SH3RF1: variants seen among roughly 807,000 people sequenced by gnomAD.
The protein encoded by SH3RF1 is E3 ubiquitin-protein ligase SH3RF1.
Under a neutral mutation model 74.0 loss-of-function variants are expected in SH3RF1, and 32 were observed. That is an observed-to-expected ratio of 0.43 (90% confidence interval 0.33 to 0.58). The LOEUF (loss-of-function observed/expected upper bound fraction) is 0.58, where lower values mean the gene tolerates loss of function less well. Among genes scored for constraint, SH3RF1 ranks in the 20% least tolerant of loss-of-function variants. The pLI is 0.05. For missense variants in SH3RF1, 954 were observed against 1,130.9 expected, an observed-to-expected ratio of 0.84 and a Z score of 2.24; for synonymous variants, 396 against 439.6, an observed-to-expected ratio of 0.90 and a Z score of 1.24.
chr4:169,173,920 C>G (rs1257156587), intron 2 of SH3RF1, among the ~76,000 whole-genome samples: 1 of 151,998 alleles, frequency 6.6e-6, no homozygotes, highest in Non-Finnish European at 1.5e-5. Flanking sequence ...TAAGATCACC[C>G]TACCCACACA....
intron 4 of SH3RF1, among the ~76,000 whole-genome samples, chr4:169,146,227 A>G (rs1443218487): frequency 1.2e-4 from 17 of 137,926 alleles, no homozygotes; most frequent in Middle Eastern, 3.3e-3. Flanking sequence ...TGTTTTATAT[A>G]TATACTTTTT....
intron 2 of SH3RF1, among the ~76,000 whole-genome samples, chr4:169,262,673 AT>A (rs1731298318): frequency 6.6e-6 from 1 of 151,000 alleles, no homozygotes; most frequent in South Asian, 2.1e-4. Context: ...TCTCAAAAAA[AT>A]AAATAAATAA....
chr4:169,241,005 C>T (rs553490588), intron 2 of SH3RF1, among the ~76,000 whole-genome samples: 51 of 152,192 alleles, frequency 3.4e-4, no homozygotes, highest in African/African-American at 1.1e-3. Flanking sequence ...CTGAGGTGGG[C>T]GGATCACGAG....
In SH3RF1 at chr4:169,178,980, A is replaced by C. The variant is rs74552901; in HGVS notation, c.394-22301T>G. 3.7e-3 allele frequency among the ~76,000 whole-genome samples: 564 copies of C among 152,358 alleles called. 4 individuals are homozygous for C. The highest frequency in any genetic ancestry group is 0.013 in the African/African-American group (543 of 41,576). The stretch of plus-strand genomic sequence containing the variant: ...TCCAGGGAAAAATACATTGCATAGT[A>C]GACCCTACCCATGTGTGCTAGGCAT... On this transcript the variant is annotated intron_variant, in intron 2 of 11. Coordinates refer to ENST00000284637, the MANE Select transcript of SH3RF1 (RefSeq NM_020870.4).
intron 11 of SH3RF1, among the ~76,000 whole-genome samples, chr4:169,104,528 T>A (rs1412568837): frequency 6.6e-6 from 1 of 152,170 alleles, no homozygotes; most frequent in East Asian, 1.9e-4. Flanking sequence ...AACACTTTTT[T>A]AGGGTAATGG....
rs559904941 is a variant in SH3RF1 at position 169,235,427 on chromosome 4, T to A, written c.393+33393A>T. Among the ~76,000 whole-genome samples, 7 of 152,312 alleles carry A rather than the reference T, an allele frequency of 4.6e-5. No individual in the cohort carries two copies. The East Asian group carries it at 1.4e-3, about 29-fold the overall frequency. ...GCACACAATTTTTAAGTCCCTTCCA[T>A]GATATGATAACTCTGTAAGATAGGT... is the stretch of plus-strand genomic sequence containing the variant. On this transcript the variant is annotated intron_variant, in intron 2 of 11. Transcript: ENST00000284637.
chr4:169,135,656 T>C (rs1733687789), intron 5 of SH3RF1, among the ~76,000 whole-genome samples: 1 of 152,184 alleles, frequency 6.6e-6, no homozygotes. Flanking sequence ...AAGGGTCTAA[T>C]AGTAAAGTGC....
intron 2 of SH3RF1, among the ~76,000 whole-genome samples, chr4:169,222,005 C>G (rs1279554566): frequency 6.6e-6 from 1 of 152,190 alleles, no homozygotes; most frequent in Non-Finnish European, 1.5e-5. Context: ...AATAGTTTTT[C>G]CTTGAACATC....
intron 5 of SH3RF1, among the ~76,000 whole-genome samples, chr4:169,132,044 C>A (rs1257834465): frequency 6.6e-6 from 1 of 152,234 alleles, no homozygotes; most frequent in East Asian, 1.9e-4. Context: ...TGCTCCCACA[C>A]TGGCGTGTAC....
chr4:169,256,235 G>A lies in SH3RF1; in HGVS notation c.393+12585C>T, dbSNP rs951251692. Among the ~76,000 whole-genome samples, 4 of 151,810 alleles carry A rather than the reference G, an allele frequency of 2.6e-5. No homozygotes were observed. In the East Asian group the frequency reaches 7.7e-4, roughly 29 times the overall value. On this transcript the variant is annotated intron_variant, in intron 2 of 11. Transcript: ENST00000284637. ...CCCCAATCACAGGGAAGGAGGCAGA[G>A]AAGGAAGAAAGGGAGGGAGGCAGGG...
intron 2 of SH3RF1, among the ~76,000 whole-genome samples, chr4:169,176,071 G>A (rs888666190): frequency 2.0e-5 from 3 of 152,176 alleles, no homozygotes; most frequent in African/African-American, 4.8e-5. Context: ...GTAAGAAGGT[G>A]GCAAGCCAGG....
chr4:169,156,636 T>C lies in SH3RF1; in HGVS notation c.437A>G (p.Glu146Gly). The change falls in exon 3 of 12, where the codon GAA (glutamate) becomes GGA (glycine). Residue 146 changes from glutamate to glycine, a missense_variant. Physicochemically the swap from Glu to Gly is moderately conservative, Grantham distance 98 (BLOSUM62 -2). Coordinates refer to ENST00000284637, the MANE Select transcript of SH3RF1 (RefSeq NM_020870.4). Reference protein sequence around the residue: ...LPCAKALYNYEGKEPGDLKFS... With the variant: ...LPCAKALYNYGGKEPGDLKFS... The stretch of plus-strand genomic sequence containing the variant: ...TTTAAGGTCTCCAGGCTCTTTTCCT[T>C]CATAGTTGTATAATGCTTTGGCACA... The C allele has an allele frequency of 6.2e-7, 1 of 1,613,896 alleles. No homozygotes were observed. The highest frequency in any genetic ancestry group is 8.5e-7 in the Non-Finnish European group (1 of 1,179,912).
intron 2 of SH3RF1, among the ~76,000 whole-genome samples, chr4:169,256,641 G>A (rs537681451): frequency 6.6e-6 from 1 of 152,158 alleles, no homozygotes; most frequent in Non-Finnish European, 1.5e-5. Context: ...CTGTCACCCA[G>A]GCTGGAGTGC....
intron 10 of SH3RF1, among the ~76,000 whole-genome samples, chr4:169,108,517 G>A (rs1055671956): frequency 6.6e-6 from 1 of 152,198 alleles, no homozygotes; most frequent in Non-Finnish European, 1.5e-5. Flanking sequence ...GTGAACCTAT[G>A]GGCTAGAAAT....
intron 2 of SH3RF1, among the ~76,000 whole-genome samples, chr4:169,219,608 TTGTTC>T (rs1298011228): frequency 6.6e-6 from 1 of 152,226 alleles, no homozygotes; most frequent in Non-Finnish European, 1.5e-5. Flanking sequence ...CAGCTTGTGT[TTGTTC>T]TTCCTTGTCT....
At chr4:169,168,434 A>G (rs904121509) in intron 2 of SH3RF1, among the ~76,000 whole-genome samples, 2 of 152,220 alleles carry the variant, frequency 1.3e-5, no homozygotes, top group Non-Finnish European at 2.9e-5. Flanking sequence ...CAGTAGAGAG[A>G]GATAAAGATG....
chr4:169,239,980 C>A (rs1465517884), intron 2 of SH3RF1, among the ~76,000 whole-genome samples: 1 of 152,022 alleles, frequency 6.6e-6, no homozygotes, highest in Non-Finnish European at 1.5e-5. Flanking sequence ...GCCAAGATCA[C>A]GCCACTTTAC....
chr4:169,174,149 G>A (rs1396258579), intron 2 of SH3RF1, among the ~76,000 whole-genome samples: 2 of 151,990 alleles, frequency 1.3e-5, no homozygotes, highest in East Asian at 1.9e-4. Context: ...CTGCAGCCCC[G>A]ACCTCCGGGC....
chr4:169,154,734 G>A (rs1017345558), intron 4 of SH3RF1, among the ~76,000 whole-genome samples: 1 of 152,094 alleles, frequency 6.6e-6, no homozygotes, highest in East Asian at 1.9e-4. Flanking sequence ...GGTTGTCTGG[G>A]CCACGCTTCC....
Sources: gnomAD v4.1 joint callset for allele counts (sites outside exome capture counted in the v4.1 genomes callset) on GRCh38, gnomAD v4.1.1 for gene constraint, MANE v1.5 for transcripts, NCBI Gene and HGNC (gene_info 2026-07-23, HGNC 2026-07-21) for gene names.